Variants in KCNIP1 observed in about 807,000 individuals in gnomAD.
The protein encoded by KCNIP1 is potassium voltage-gated channel interacting protein 1, also known as A-type potassium channel modulatory protein KCNIP1.
A neutral mutation model predicts 33.0 loss-of-function variants in KCNIP1; 18 were observed. The ratio of observed to expected loss-of-function variants is 0.55; its 90% CI spans 0.38 to 0.81. The LOEUF is 0.81. Among genes scored for constraint, KCNIP1 ranks in the 30% least tolerant of loss-of-function variants. The pLI is 0.00. For synonymous variants in KCNIP1, 93 were observed against 98.3 expected (o/e 0.95, Z 0.32); for missense variants, 238 against 271.6 (o/e 0.88, Z 0.87).
chr5:170,391,307 A>G (rs1447217369), intron 1 of KCNIP1, among the ~76,000 whole-genome samples: 3 of 152,270 alleles, frequency 2.0e-5, no homozygotes, highest in Non-Finnish European at 4.4e-5. Flanking sequence ...ACTCTGAATA[A>G]GTTATTAAGG....
intron 1 of KCNIP1, among the ~76,000 whole-genome samples, chr5:170,492,381 C>A (rs1757224908): frequency 6.6e-6 from 1 of 152,238 alleles, no homozygotes; most frequent in African/African-American, 2.4e-5. Flanking sequence ...AGTTTCTATG[C>A]CCTCTCCAGG....
intron 1 of KCNIP1, chr5:170,680,933 G>C: frequency 2.5e-6 from 1 of 397,518 alleles, no homozygotes; most frequent in Non-Finnish European, 4.4e-6. Context: ...GGAAGGGAGG[G>C]AGGCAGAAAG....
At chr5:170,647,859 AT>A (rs1344450718) in intron 1 of KCNIP1, among the ~76,000 whole-genome samples, 2 of 152,168 alleles carry the variant, frequency 1.3e-5, no homozygotes, top group African/African-American at 2.4e-5. Flanking sequence ...CTGGGAAAAA[AT>A]ATTTGAAAAA....
intron 1 of KCNIP1, among the ~76,000 whole-genome samples, chr5:170,713,374 G>A (rs1561779222): frequency 6.6e-6 from 1 of 152,096 alleles, no homozygotes; most frequent in Admixed American, 6.5e-5. Flanking sequence ...TAGGTGGGAG[G>A]GTAAGTAGGT....
intron 1 of KCNIP1, among the ~76,000 whole-genome samples, chr5:170,415,449 C>T (rs1275912324): frequency 6.6e-6 from 1 of 152,100 alleles, no homozygotes; most frequent in Non-Finnish European, 1.5e-5. Context: ...ACCAGAGGCA[C>T]CCCCCACCCC....
chr5:170,544,418 T>C (rs1373138160), intron 1 of KCNIP1, among the ~76,000 whole-genome samples: 4 of 152,182 alleles, frequency 2.6e-5, no homozygotes, highest in African/African-American at 9.7e-5. Context: ...TGATACTTCA[T>C]TTAACTCCTG....
intron 1 of KCNIP1, among the ~76,000 whole-genome samples, chr5:170,683,416 C>G (rs1439064051): frequency 6.6e-6 from 1 of 152,194 alleles, no homozygotes; most frequent in Non-Finnish European, 1.5e-5. Flanking sequence ...ACCCTCTGTT[C>G]TGTACACCAA....
rs1426065265 is a variant in KCNIP1 at position 170,735,806 on chromosome 5, A to C, written c.651A>C (p.Ter217TyrextTer47). 6.2e-7 allele frequency: 1 copy of C among 1,613,452 alleles called. No homozygotes were observed. The highest frequency in any genetic ancestry group is 8.5e-7 in the Non-Finnish European group (1 of 1,179,442). ...TCCAGCTGTTTCAAAATGTCATGTAACTGGTGACACTCAGCCATTCAGCTC... is the reference window on the plus strand; with the variant it reads ...TCCAGCTGTTTCAAAATGTCATGTACCTGGTGACACTCAGCCATTCAGCTC... Reference protein sequence around the residue: ...RSLQLFQNVM* With the variant: ...RSLQLFQNVMY Residue 217 changes from the stop codon to tyrosine (Y), a stop_lost, in exon 8 of 8, where the codon TAA becomes TAC. Coordinates refer to ENST00000328939, the MANE Select transcript of KCNIP1 (RefSeq NM_014592.4).
rs998522254 is a variant in KCNIP1 at position 170,721,635 on chromosome 5, C to T, written c.257-198C>T. ...ATGGCTAGAGGGAGGGGCAAGGGCT[C>T]ATCTCACTTTTTGCTAGATCTAACT... On this transcript the variant is annotated intron_variant, in intron 3 of 7. Coordinates refer to ENST00000328939, the MANE Select transcript of KCNIP1 (RefSeq NM_014592.4). 29 of 1,016,298 alleles carry T rather than the reference C, an allele frequency of 2.9e-5. 1 individual carries two copies. The highest frequency in any genetic ancestry group is 2.1e-4 in the Middle Eastern group (1 of 4,868). The allele number at this position is 1,016,298 out of a possible 1,614,324, so 63.0% of individuals were successfully genotyped here.
At chr5:170,621,168 G>T (rs1430002288) in intron 1 of KCNIP1, among the ~76,000 whole-genome samples, 1 of 152,346 alleles carries the variant, frequency 6.6e-6, no homozygotes, top group Non-Finnish European at 1.5e-5. Context: ...GCAAAATGGG[G>T]ATACTAAGGG....
At chr5:170,440,553 C>T (rs1179181668) in intron 1 of KCNIP1, among the ~76,000 whole-genome samples, 1 of 152,136 alleles carries the variant, frequency 6.6e-6, no homozygotes, top group Non-Finnish European at 1.5e-5. Context: ...CAGAGGGTTT[C>T]CAGGAGCATG....
intron 1 of KCNIP1, among the ~76,000 whole-genome samples, chr5:170,549,301 C>T (rs976581799): frequency 6.6e-6 from 1 of 152,092 alleles, no homozygotes; most frequent in African/African-American, 2.4e-5. Flanking sequence ...GCTGAGAAAA[C>T]CTCCTTCGTT....
chr5:170,545,407 GT>G, intron 1 of KCNIP1, among the ~76,000 whole-genome samples: 1 of 152,144 alleles, frequency 6.6e-6, no homozygotes, highest in African/African-American at 2.4e-5. Context: ...CAATGAGTTG[GT>G]TTCTCTCATC....
chr5:170,700,714 C>T (rs186187336), intron 1 of KCNIP1, among the ~76,000 whole-genome samples: 12 of 152,316 alleles, frequency 7.9e-5, no homozygotes. Context: ...CTGTGCCCTG[C>T]GGGACACCTG....
chr5:170,518,583 C>T (rs1339582197), intron 1 of KCNIP1, among the ~76,000 whole-genome samples: 1 of 152,210 alleles, frequency 6.6e-6, no homozygotes, highest in African/African-American at 2.4e-5. Flanking sequence ...TTAAATGTTT[C>T]ATCTTTGAAG....
At chr5:170,682,436 A>G (rs140521097) in intron 1 of KCNIP1, among the ~76,000 whole-genome samples, 78 of 152,328 alleles carry the variant, frequency 5.1e-4, no homozygotes, top group Middle Eastern at 3.4e-3. Flanking sequence ...TTAGCCCTGT[A>G]TGTAAGGATG....
At chr5:170,564,427 A>G (rs1254872394) in intron 1 of KCNIP1, among the ~76,000 whole-genome samples, 4 of 152,084 alleles carry the variant, frequency 2.6e-5, no homozygotes, top group African/African-American at 7.3e-5. Context: ...GGTTTTTCCA[A>G]TCATCAAAAG....
intron 1 of KCNIP1, among the ~76,000 whole-genome samples, chr5:170,641,828 G>A (rs543639678): frequency 4.6e-5 from 7 of 152,302 alleles, no homozygotes; most frequent in South Asian, 4.1e-4. Context: ...TACTGGCATG[G>A]GATGGAGGAG....
At chr5:170,671,280 C>T (rs1459844030) in intron 1 of KCNIP1, among the ~76,000 whole-genome samples, 1 of 152,192 alleles carries the variant, frequency 6.6e-6, no homozygotes, top group African/African-American at 2.4e-5. Context: ...ACACCACCTC[C>T]ACCTTTGCCT....
Sources: allele counts gnomAD v4.1 joint callset (sites outside exome capture counted in the v4.1 genomes callset), GRCh38; gene constraint gnomAD v4.1.1; transcripts MANE v1.5; gene names NCBI Gene and HGNC (gene_info 2026-07-23, HGNC 2026-07-21).